IP6K3: variants seen among roughly 807,000 people sequenced by gnomAD.
IP6K3 encodes inositol hexakisphosphate kinase 3.
A neutral mutation model predicts 28.8 loss-of-function variants in IP6K3; 20 were observed. The observed-to-expected ratio is 0.70, with a 90% CI of 0.49 to 1.01. IP6K3 has a LOEUF of 1.01. IP6K3 is among the 50% of genes least tolerant of loss of function. IP6K3 has a pLI of 0.00. For missense variants in IP6K3, 480 were observed against 537.1 expected (o/e 0.89, Z 1.05); for synonymous variants, 213 against 221.3 (o/e 0.96, Z 0.33).
chr6:33,748,235 T>C (rs144702398), upstream of IP6K3, among the ~76,000 whole-genome samples: 302 of 152,312 alleles, frequency 2.0e-3, no homozygotes, highest in South Asian at 3.7e-3. Context: ...CTTACCCATC[T>C]TCTGGTCCCT....
intron 3 of IP6K3, 112 bp from the exon 4 acceptor site, chr6:33,727,018 C>T: frequency 8.6e-7 from 1 of 1,163,500 alleles, no homozygotes; most frequent in Non-Finnish European, 1.2e-6. Context: ...GTCCCAGCTG[C>T]TCTCCAGGGC....
intron 1 of IP6K3, among the ~76,000 whole-genome samples, chr6:33,739,466 T>A (rs1228966576): frequency 1.4e-5 from 2 of 145,614 alleles, no homozygotes; most frequent in Non-Finnish European, 3.0e-5. Context: ...GAGCTTCAGC[T>A]GGGGCTGGGC....
intron 2 of IP6K3, among the ~76,000 whole-genome samples, chr6:33,733,436 A>G (rs562040276): frequency 6.6e-6 from 1 of 152,344 alleles, no homozygotes; most frequent in Non-Finnish European, 1.5e-5. Context: ...GGAGGGGATG[A>G]GGACAGCCTC....
intron 1 of IP6K3, among the ~76,000 whole-genome samples, chr6:33,743,175 A>C (rs1350962234): frequency 2.0e-5 from 3 of 152,248 alleles, no homozygotes. Context: ...CCCTGAGATC[A>C]CCAAGGTGCT....
chr6:33,748,642 C>CAAA (rs35735336), upstream of IP6K3, among the ~76,000 whole-genome samples: 353 of 38,252 alleles, frequency 9.2e-3, 14 homozygotes, highest in Non-Finnish European at 0.011. Flanking sequence ...ACCCTGTCTC[C>CAAA]AAAAAAAAAA....
At chr6:33,740,081 C>T (rs1420631706) in intron 1 of IP6K3, among the ~76,000 whole-genome samples, 4 of 152,230 alleles carry the variant, frequency 2.6e-5, no homozygotes. Flanking sequence ...CCTTGGCTCT[C>T]TTTAGTGCTT....
rs1266213854 is a variant in IP6K3, at chr6:33,744,291, A to C, written c.-180+2467T>G. Among the ~76,000 whole-genome samples the C allele has an allele frequency of 1.3e-5, 2 of 151,860 alleles. No individual in the cohort carries two copies. Among genetic ancestry groups the C allele is most frequent in the African/African-American group, 4.8e-5 (2 of 41,318 alleles). Reference sequence around the variant, plus strand: ...GCCTACACATTTCCCAGCCTCCAACACCCTGCCCCACACCTGCTGCCTTCC... The same window carrying C: ...GCCTACACATTTCCCAGCCTCCAACCCCCTGCCCCACACCTGCTGCCTTCC... On this transcript the variant is annotated intron_variant, in intron 1 of 5. Transcript: ENST00000293756. The surrounding 1 kb of genome is among the most constrained non-coding windows in gnomAD (Gnocchi z 4.4).
chr6:33,734,637 G>GA (rs1174767043), intron 2 of IP6K3, among the ~76,000 whole-genome samples: 5 of 152,156 alleles, frequency 3.3e-5, no homozygotes, highest in Admixed American at 3.3e-4. Flanking sequence ...CTGTCCTGGG[G>GA]AGCCCGACCC....
In IP6K3 at chr6:33,723,111, C is replaced by T. The variant is rs1247175578; in HGVS notation, c.842G>A (p.Arg281Lys). ...YGRKLSVEGF[R>K]QALYQFLHNG... The stretch of plus-strand genomic sequence containing the variant: ...ATGTAGGAACTGATAGAGGGCTTGT[C>T]TGAACCCCTCCACTGAGAGTTTTCT... Residue 281 changes from arginine to lysine, a missense_variant, in exon 6 of 6, where the codon AGA (arginine) becomes AAA (lysine). By Grantham distance (26) the Arg-to-Lys change is conservative. Transcript: ENST00000293756. 1.2e-6 allele frequency: 2 copies of T among 1,614,146 alleles called. No homozygotes were observed. Among genetic ancestry groups the T allele is most frequent in the East Asian group, 2.2e-5 (1 of 44,880 alleles).
the IP6K3 span, among the ~76,000 whole-genome samples, chr6:33,756,047 A>G: frequency 3.7e-4 from 56 of 152,136 alleles, no homozygotes; most frequent in African/African-American, 1.3e-3. Context: ...TATTTTTAGT[A>G]GAGACAGGGT....
At chr6:33,740,141 C>T (rs1766666125) in intron 1 of IP6K3, among the ~76,000 whole-genome samples, 1 of 152,218 alleles carries the variant, frequency 6.6e-6, no homozygotes, top group Admixed American at 6.5e-5. Context: ...CTCCCACATC[C>T]CTACAGCTCA....
chr6:33,727,786 G>C (rs765421112), intron 3 of IP6K3: 66 of 962,916 alleles, frequency 6.9e-5, no homozygotes, highest in Admixed American at 4.3e-4. Flanking sequence ...GACACTTCAT[G>C]GTCTCAGTGA....
chr6:33,756,168 A>AT, the IP6K3 span, among the ~76,000 whole-genome samples: 1 of 152,330 alleles, frequency 6.6e-6, no homozygotes, highest in Non-Finnish European at 1.5e-5. Context: ...CCAGCCTAAA[A>AT]TTTTTTTAAA....
Position 33,735,432 on chromosome 6 carries a change from G to A in IP6K3, c.45C>T (p.Gly15=), listed in dbSNP as rs776997145. 92 of 1,610,404 alleles carry A rather than the reference G, an allele frequency of 5.7e-5. No individual in the cohort carries two copies. Among genetic ancestry groups the A allele is most frequent in the Non-Finnish European group, 7.3e-5 (86 of 1,179,058 alleles). The change falls in exon 2 of 6, where the codon GGC becomes GGT. Residue 15 remains glycine, a synonymous_variant. Coordinates refer to ENST00000293756, the MANE Select transcript of IP6K3 (RefSeq NM_054111.5). ...NSADAGDMRA[G]VQLEPFLHQV... is the part of the protein sequence containing the mutation. ...GGTGCAGGAAGGGCTCCAGCTGCAC[G>A]CCTGCCCTCATGTCCCCGGCGTCTG...
intron 3 of IP6K3, 111 bp downstream of exon 3, chr6:33,727,975 CT>C: frequency 6.8e-7 from 1 of 1,472,888 alleles, no homozygotes; most frequent in Non-Finnish European, 9.0e-7. Context: ...ATCTGAATTT[CT>C]TTTTCTCAGC....
chr6:33,722,744 C>T lies in IP6K3; in HGVS notation c.1209G>A (p.Leu403=). Residue 403 remains leucine (L), a synonymous_variant, in exon 6 of 6, where the codon CTG becomes CTA. Transcript: ENST00000293756. Reference sequence around the variant, plus strand: ...TTCATTCTCCCTCTTGGATATCCTGCAGGATCCTGATGAGGTTTTCCAGGC... The same window carrying T: ...TTCATTCTCCCTCTTGGATATCCTGTAGGATCCTGATGAGGTTTTCCAGGC... ...IFGLENLIRI[L]QDIQEGE 6.2e-7 allele frequency: 1 copy of T among 1,611,254 alleles called. No homozygotes were observed. The highest frequency in any genetic ancestry group is 8.5e-7 in the Non-Finnish European group (1 of 1,178,414).
intron 2 of IP6K3, among the ~76,000 whole-genome samples, chr6:33,730,161 C>G (rs1766266679): frequency 6.6e-6 from 1 of 152,202 alleles, no homozygotes; most frequent in Non-Finnish European, 1.5e-5. Flanking sequence ...GTCACCTTCT[C>G]AGAGTAAGTG....
rs900161001 is a variant in IP6K3, at chr6:33,744,364, G to A, written c.-180+2394C>T. On this transcript the variant is annotated intron_variant, in intron 1 of 5. Coordinates refer to ENST00000293756, the MANE Select transcript of IP6K3 (RefSeq NM_054111.5). This position sits in a 1 kb window ranked among gnomAD's most constrained non-coding sequence, Gnocchi z 4.4. ...CACCTGTCTTGTGCAAGAGACCTATGAGCCACAGACGTAAGGTGTTGCCAG... is the reference window on the plus strand; with the variant it reads ...CACCTGTCTTGTGCAAGAGACCTATAAGCCACAGACGTAAGGTGTTGCCAG... Among the ~76,000 whole-genome samples, 8 of 152,212 alleles carry A rather than the reference G, an allele frequency of 5.3e-5. No individual in the cohort carries two copies. Among genetic ancestry groups the A allele is most frequent in the Admixed American group, 2.0e-4 (3 of 15,284 alleles).
intron 2 of IP6K3, 142 bp downstream of exon 2, chr6:33,735,136 G>A (rs1216802945): frequency 1.5e-6 from 1 of 657,852 alleles, no homozygotes; most frequent in Non-Finnish European, 2.6e-6. Context: ...GGACAGAGAA[G>A]GCCAGCCCCG....
Sources: allele counts gnomAD v4.1 joint callset (sites outside exome capture counted in the v4.1 genomes callset), GRCh38; gene constraint gnomAD v4.1.1; non-coding constraint Gnocchi (gnomAD v3.1); transcripts MANE v1.5; gene names NCBI Gene and HGNC (gene_info 2026-07-23, HGNC 2026-07-21).